FAM193A: variants seen among roughly 807,000 people sequenced by gnomAD.
FAM193A encodes family with sequence similarity 193 member A, also known as protein FAM193A.
In FAM193A, 22 loss-of-function variants were observed where a neutral mutation model predicts 126.5. The ratio of observed to expected loss-of-function variants is 0.17; its 90% CI spans 0.12 to 0.25. The LOEUF (loss-of-function observed/expected upper bound fraction) is 0.25, where lower values mean the gene tolerates loss of function less well. Ranked by LOEUF, FAM193A falls within the 10% of genes least tolerant of loss-of-function variation. FAM193A has a pLI of 1.00. For missense variants in FAM193A, 1,675 were observed against 1,672.8 expected (o/e 1.00, Z -0.02); for synonymous variants, 761 against 646.8 (o/e 1.18, Z -2.68).
intron 5 of FAM193A, among the ~76,000 whole-genome samples, chr4:2,638,629 CAG>C (rs1744319734): frequency 6.6e-6 from 1 of 152,200 alleles, no homozygotes; most frequent in Non-Finnish European, 1.5e-5. Context: ...GGTATGAAAA[CAG>C]AGCTGTATCC....
At chr4:2,604,901 G>A (rs1243459693) in intron 2 of FAM193A, among the ~76,000 whole-genome samples, 1 of 145,556 alleles carries the variant, frequency 6.9e-6, no homozygotes, top group East Asian at 2.1e-4. Flanking sequence ...GGGCTCAAGT[G>A]ATTCTCCCAG....
chr4:2,731,982 G>A lies in FAM193A; in HGVS notation c.*114G>A, dbSNP rs1425037759. 2 of 820,040 alleles carry A rather than the reference G, an allele frequency of 2.4e-6. No individual in the cohort carries two copies. The highest frequency in any genetic ancestry group is 3.7e-5 in the Admixed American group (2 of 54,164). The allele number at this position is 820,040 out of a possible 1,614,324, so 50.8% of individuals were successfully genotyped here. ...TGGTGCTTGCCAAGGGCTGTGCGGAGCTGGTGCTGCCTGAAACCCCAGACC... is the reference window on the plus strand; with the variant it reads ...TGGTGCTTGCCAAGGGCTGTGCGGAACTGGTGCTGCCTGAAACCCCAGACC... On this transcript the variant is annotated 3_prime_UTR_variant, in exon 21 of 21. Transcript: ENST00000637812.
In FAM193A at chr4:2,659,282, G is replaced by T. The variant is rs146668192; in HGVS notation, c.1390-276G>T. On this transcript the variant is annotated intron_variant, in intron 8 of 20. Transcript: ENST00000637812. Reference sequence around the variant, plus strand: ...CAAGCACATGGCAGACAGGGTAAAGGCCGGGTTTCTGCATCAGGTGTGTGC... The same window carrying T: ...CAAGCACATGGCAGACAGGGTAAAGTCCGGGTTTCTGCATCAGGTGTGTGC... Among the ~76,000 whole-genome samples the T allele has an allele frequency of 1.3e-3, 204 of 152,248 alleles. 1 individual carries two copies. The highest frequency in any genetic ancestry group is 1.7e-3 in the Non-Finnish European group (118 of 68,020).
At chr4:2,706,757 G>A (rs914204034) in intron 19 of FAM193A, among the ~76,000 whole-genome samples, 1 of 150,858 alleles carries the variant, frequency 6.6e-6, no homozygotes, top group Non-Finnish European at 1.5e-5. Context: ...AGCTTTTCCA[G>A]CTCAGTATTT....
In FAM193A at chr4:2,567,537, T is replaced by TTGGA. The variant is rs1739041822; in HGVS notation, c.256-28547_256-28546insTGGA. 4.6e-5 allele frequency among the ~76,000 whole-genome samples: 7 copies of TTGGA among 152,348 alleles called. No homozygotes were observed. The South Asian group carries it at 1.0e-3, about 23-fold the overall frequency. On this transcript the variant is annotated intron_variant, in intron 1 of 20. Coordinates refer to ENST00000637812, the MANE Select transcript of FAM193A (RefSeq NM_001366318.2). ...TCATATTGATCTCCATAAGTTTTTT[T>TTGGA]GTCATGATTTTTGGTGACACAACAA...
chr4:2,647,643 T>C (rs951024198), intron 7 of FAM193A, among the ~76,000 whole-genome samples: 27 of 152,192 alleles, frequency 1.8e-4, no homozygotes, highest in Non-Finnish European at 3.1e-4. Flanking sequence ...AGCCCAAGCC[T>C]GTCAGACAGA....
chr4:2,726,553 T>C (rs946633483), intron 20 of FAM193A, among the ~76,000 whole-genome samples: 3 of 150,628 alleles, frequency 2.0e-5, no homozygotes, highest in Non-Finnish European at 4.4e-5. Context: ...CTGTGGCTTC[T>C]TTTTTTTTGG....
At chr4:2,535,873 C>T (rs1736846753), upstream of FAM193A, among the ~76,000 whole-genome samples, 2 of 152,138 alleles carry the variant, frequency 1.3e-5, no homozygotes, top group Admixed American at 1.3e-4. Flanking sequence ...GGGGAACCGA[C>T]CGGCGTGTCC....
chr4:2,651,450 C>T (rs988945228), intron 7 of FAM193A, among the ~76,000 whole-genome samples: 4 of 152,066 alleles, frequency 2.6e-5, no homozygotes, highest in Admixed American at 6.6e-5. Context: ...ATAATCATGG[C>T]GGAAGGAGAA....
intron 10 of FAM193A, among the ~76,000 whole-genome samples, chr4:2,661,461 C>G (rs139033545): frequency 7.6e-4 from 115 of 152,274 alleles, no homozygotes; most frequent in Non-Finnish European, 1.3e-3. Context: ...TCACTAGAAC[C>G]TCAGTTTTCT....
intron 20 of FAM193A, among the ~76,000 whole-genome samples, chr4:2,722,933 AG>A: frequency 6.6e-6 from 1 of 152,288 alleles, no homozygotes; most frequent in East Asian, 1.9e-4. Context: ...CTGGGATTGC[AG>A]GAATGAGCCA....
chr4:2,662,850 T>C lies in FAM193A; in HGVS notation c.1758T>C (p.Asp586=). The C allele has an allele frequency of 6.2e-7, 1 of 1,609,628 alleles. No homozygotes were observed. Among genetic ancestry groups the C allele is most frequent in the Non-Finnish European group, 8.5e-7 (1 of 1,176,156 alleles). ...SGSAPTFCSD[D]EDVAPLSAKF... ...CTGCTTGTGTCAGTTGTAGTGATGA[T>C]GAAGATGTTGCACCATTGTCAGCCA... is the stretch of plus-strand genomic sequence containing the variant. Residue 586 remains aspartate (D), a synonymous_variant, in exon 11 of 21, where the codon GAT becomes GAC. Coordinates refer to ENST00000637812, the MANE Select transcript of FAM193A (RefSeq NM_001366318.2).
intron 15 of FAM193A, among the ~76,000 whole-genome samples, chr4:2,691,697 T>C (rs1374497103): frequency 6.6e-6 from 1 of 150,512 alleles, no homozygotes; most frequent in South Asian, 2.1e-4. Flanking sequence ...CCCAGCACTT[T>C]GGGAGGCTGA....
At chr4:2,635,609 T>C (rs942823588) in intron 5 of FAM193A, among the ~76,000 whole-genome samples, 4 of 152,230 alleles carry the variant, frequency 2.6e-5, no homozygotes, top group South Asian at 2.1e-4. Context: ...CTTGGCTCAC[T>C]GAAACCTCTG....
Position 2,648,250 on chromosome 4 carries a change from G to A in FAM193A, c.1311+1418G>A, listed in dbSNP as rs561853485. ...AGTAAGTTCCAACTTCGTCACATGC[G>A]GAATTCTGTGCTGTTGAGCTTGTCT... On this transcript the variant is annotated intron_variant, in intron 7 of 20. Transcript: ENST00000637812. 2.6e-5 allele frequency among the ~76,000 whole-genome samples: 4 copies of A among 152,258 alleles called. No individual in the cohort carries two copies. The South Asian group carries it at 6.2e-4, about 24-fold the overall frequency.
intron 2 of FAM193A, among the ~76,000 whole-genome samples, chr4:2,615,744 CCT>C (rs910630196): frequency 1.3e-5 from 2 of 152,182 alleles, no homozygotes; most frequent in Non-Finnish European, 2.9e-5. Context: ...GTCTTGATCT[CCT>C]GACCTCGTGA....
At chr4:2,684,375 C>G (rs548438508) in intron 13 of FAM193A, among the ~76,000 whole-genome samples, 138 of 150,908 alleles carry the variant, frequency 9.1e-4, no homozygotes, top group Middle Eastern at 3.4e-3. Context: ...TTTTAATTTA[C>G]TTTTTTTTTC....
intron 20 of FAM193A, among the ~76,000 whole-genome samples, chr4:2,726,194 C>A (rs1720728762): frequency 6.6e-6 from 1 of 152,116 alleles, no homozygotes; most frequent in South Asian, 2.1e-4. Context: ...CCACCACGCC[C>A]AGCCTCAGCT....
intron 1 of FAM193A, among the ~76,000 whole-genome samples, chr4:2,572,008 AC>A (rs1739319696): frequency 1.3e-5 from 2 of 151,748 alleles, no homozygotes; most frequent in African/African-American, 4.8e-5. Flanking sequence ...TACTAAAGAT[AC>A]AAAAAATTAG....
Sources: allele counts gnomAD v4.1 joint callset (sites outside exome capture counted in the v4.1 genomes callset), GRCh38; gene constraint gnomAD v4.1.1; transcripts MANE v1.5; gene names NCBI Gene and HGNC (gene_info 2026-07-23, HGNC 2026-07-21).